The following NXNL2 variants were observed in gnomAD, a reference collection of about 807,000 sequenced individuals.
NXNL2 encodes nucleoredoxin-like protein 2.
Under a neutral mutation model 11.1 loss-of-function variants are expected in NXNL2, and 7 were observed. The ratio of observed to expected loss-of-function variants is 0.63; its 90% CI spans 0.36 to 1.18. The LOEUF (loss-of-function observed/expected upper bound fraction) is 1.18, where lower values mean the gene tolerates loss of function less well. Ranked by LOEUF, NXNL2 falls within the 50% of genes most tolerant of loss-of-function variation. The pLI, the probability that NXNL2 is intolerant of heterozygous loss-of-function variation, is 0.02. For synonymous variants in NXNL2, 109 were observed against 101.8 expected, an observed-to-expected ratio of 1.07 and a Z score of -0.42; for missense variants, 233 against 217.7, an observed-to-expected ratio of 1.07 and a Z score of -0.44.
chr9:88,582,126 C>T (rs1039576815), intron 1 of NXNL2, among the ~76,000 whole-genome samples: 7 of 152,166 alleles, frequency 4.6e-5, no homozygotes, highest in African/African-American at 1.7e-4. Flanking sequence ...CTCTCTAGTC[C>T]TATATTTGTA....
downstream of NXNL2, among the ~76,000 whole-genome samples, chr9:88,546,182 C>A (rs1268835496): frequency 3.2e-5 from 4 of 125,852 alleles, no homozygotes; most frequent in Admixed American, 7.8e-5. Flanking sequence ...TGTGTGAGAA[C>A]CACAACCACA....
downstream of NXNL2, among the ~76,000 whole-genome samples, chr9:88,577,595 C>G (rs1258561658): frequency 6.7e-6 from 1 of 149,948 alleles, no homozygotes. Flanking sequence ...CTCACATGGC[C>G]TTTCCTCTGT....
intron 1 of NXNL2, among the ~76,000 whole-genome samples, chr9:88,541,269 A>AT (rs1201952410): frequency 2.5e-5 from 3 of 121,220 alleles, no homozygotes; most frequent in Non-Finnish European, 5.3e-5. Flanking sequence ...CTCAGTAGAC[A>AT]TTTTTTTTAG....
intron 1 of NXNL2, 136 bp from the exon 2 acceptor site, chr9:88,544,237 GGAGGGA>G: frequency 1.6e-6 from 1 of 617,348 alleles, no homozygotes; most frequent in Non-Finnish European, 2.8e-6. Flanking sequence ...CACCCCAGCA[GGAGGGA>G]GAGCAGGAGC....
downstream of NXNL2, among the ~76,000 whole-genome samples, chr9:88,547,526 C>G (rs1289247261): frequency 1.3e-5 from 2 of 152,334 alleles, no homozygotes; most frequent in South Asian, 2.1e-4. Flanking sequence ...GAATTATGCT[C>G]TATTGGGCTG....
At chr9:88,568,268 C>A (rs1830207659) in intron 1 of NXNL2, among the ~76,000 whole-genome samples, 1 of 152,232 alleles carries the variant, frequency 6.6e-6, no homozygotes, top group Admixed American at 6.5e-5. Context: ...ATTTAAATGC[C>A]CACATGTGGC....
intron 1 of NXNL2, among the ~76,000 whole-genome samples, chr9:88,553,512 C>A (rs1829971003): frequency 6.6e-6 from 1 of 152,200 alleles, no homozygotes; most frequent in African/African-American, 2.4e-5. Flanking sequence ...TAGCGTGTTG[C>A]AGCATGTCTG....
downstream of NXNL2, among the ~76,000 whole-genome samples, chr9:88,576,629 A>G (rs1830351688): frequency 6.6e-6 from 1 of 152,160 alleles, no homozygotes; most frequent in African/African-American, 2.4e-5. Context: ...CGGGAGGGGC[A>G]GCTATTCCTC....
intron 1 of NXNL2, among the ~76,000 whole-genome samples, chr9:88,557,675 G>A (rs1830035800): frequency 6.6e-6 from 1 of 152,170 alleles, no homozygotes; most frequent in African/African-American, 2.4e-5. Context: ...TGGCAACCTT[G>A]GTTTACAATT....
chr9:88,576,330 A>G (rs891915549), downstream of NXNL2, among the ~76,000 whole-genome samples: 1 of 152,236 alleles, frequency 6.6e-6, no homozygotes, highest in Non-Finnish European at 1.5e-5. Flanking sequence ...GACTCCTTTT[A>G]TACCTGGTTC....
chr9:88,551,830 G>A (rs1177700627), intron 1 of NXNL2, among the ~76,000 whole-genome samples: 1 of 152,214 alleles, frequency 6.6e-6, no homozygotes, highest in Non-Finnish European at 1.5e-5. Flanking sequence ...CTATCAGGAG[G>A]AGGGATGAAA....
At chr9:88,571,127 G>T (rs556823309) in exon 2 of NXNL2, 3 of 394,124 alleles carry the variant, frequency 7.6e-6, no homozygotes, top group African/African-American at 4.4e-5. Flanking sequence ...GTGCAGTGGC[G>T]TGATCTTAGC....
intron 2 of NXNL2, among the ~76,000 whole-genome samples, chr9:88,571,898 G>C (rs1390652332): frequency 6.6e-6 from 1 of 152,130 alleles, no homozygotes; most frequent in Non-Finnish European, 1.5e-5. Flanking sequence ...CATCTATTCA[G>C]AGAAACATTT....
chr9:88,549,639 G>A (rs796529260), downstream of NXNL2, among the ~76,000 whole-genome samples: 11 of 152,256 alleles, frequency 7.2e-5, no homozygotes, highest in African/African-American at 1.9e-4. Context: ...ACTGTATTAG[G>A]CCATTCTTGC....
intron 1 of NXNL2, among the ~76,000 whole-genome samples, chr9:88,569,505 G>A (rs959808618): frequency 1.3e-5 from 2 of 151,996 alleles, no homozygotes; most frequent in Non-Finnish European, 2.9e-5. Flanking sequence ...TCATCTCTTC[G>A]GGTTTTCTCT....
rs186516129 is a variant in NXNL2, at chr9:88,543,328, A to C, written c.303-1051A>C. On this transcript the variant is annotated intron_variant, in intron 1 of 1. Coordinates refer to ENST00000375854, the MANE Select transcript of NXNL2 (RefSeq NM_001161625.2). ...GCCGCCCAGGCTGGAATGTAGAGGC[A>C]CTAACACGGCTCACTGCAGCCTCGA... 5.9e-4 allele frequency among the ~76,000 whole-genome samples: 90 copies of C among 151,314 alleles called. No individual in the cohort carries two copies. The Middle Eastern group carries it at 0.01, about 17-fold the overall frequency.
At chr9:88,584,318 T>C (rs964346834), downstream of NXNL2, 5 of 152,310 alleles carry the variant, frequency 3.3e-5, no homozygotes, top group Admixed American at 1.3e-4. Flanking sequence ...CTTAATCTGA[T>C]AGGACCAGTG....
intron 1 of NXNL2, among the ~76,000 whole-genome samples, chr9:88,540,217 C>T (rs927449920): frequency 4.6e-5 from 7 of 151,576 alleles, no homozygotes; most frequent in Admixed American, 6.6e-5. Context: ...CTGTGGTCCC[C>T]GCTACTCTGG....
intron 2 of NXNL2, among the ~76,000 whole-genome samples, chr9:88,574,632 T>G (rs897936332): frequency 2.0e-5 from 3 of 152,242 alleles, no homozygotes. Flanking sequence ...GTCTGTCCTT[T>G]GTCCACAGGA....
Sources: gnomAD v4.1 joint callset for allele counts (sites outside exome capture counted in the v4.1 genomes callset) on GRCh38, gnomAD v4.1.1 for gene constraint, MANE v1.5 for transcripts, NCBI Gene and HGNC (gene_info 2026-07-23, HGNC 2026-07-21) for gene names.